NSD2: variants seen among roughly 807,000 people sequenced by gnomAD.
NSD2 encodes nuclear receptor binding SET domain protein 2.
A neutral mutation model predicts 139.0 loss-of-function variants in NSD2; 12 were observed. That is an observed-to-expected ratio of 0.09 (90% confidence interval 0.06 to 0.14). The LOEUF (loss-of-function observed/expected upper bound fraction) is 0.14. Ranked by LOEUF, NSD2 falls within the 10% of genes least tolerant of loss-of-function variation. The pLI, the probability that NSD2 is intolerant of heterozygous loss-of-function variation, is 1.00. For synonymous variants in NSD2, 669 were observed against 648.7 expected (o/e 1.03, Z -0.48); for missense variants, 1,155 against 1,745.0 (o/e 0.66, Z 6.02).
chr4:1,942,216 A>C lies in NSD2; in HGVS notation c.1881+2438A>C. The stretch of plus-strand genomic sequence containing the variant: ...TCACCCTGAGGAAGAGAATAAATTA[A>C]AATTACACACTTGCATGACAAAGGC... On this transcript the variant is annotated intron_variant, in intron 9 of 21. Coordinates refer to ENST00000508803, the MANE Select transcript of NSD2 (RefSeq NM_001042424.3). This position sits in a 1 kb window ranked among gnomAD's most constrained non-coding sequence, Gnocchi z 4.0. 6.7e-7 allele frequency: 1 copy of C among 1,496,156 alleles called. No individual in the cohort carries two copies. 92.7% of individuals were successfully genotyped at this position (1,496,156 alleles called of 1,614,324 possible). A position where few individuals can be genotyped will look rare whatever the true frequency, so the allele number is the denominator to read the frequency against.
At chr4:1,896,217 G>T (rs994981524) in intron 1 of NSD2, among the ~76,000 whole-genome samples, 1 of 152,210 alleles carries the variant, frequency 6.6e-6, no homozygotes, top group Non-Finnish European at 1.5e-5. Flanking sequence ...AGGCAGCCCA[G>T]TCAGGCCCAA....
intron 1 of NSD2, among the ~76,000 whole-genome samples, chr4:1,875,536 T>C (rs1328514713): frequency 6.6e-6 from 1 of 152,148 alleles, no homozygotes; most frequent in Non-Finnish European, 1.5e-5. Flanking sequence ...CACTTCGGCC[T>C]TGTGCCTGGC....
rs548671779 is a variant in NSD2 at position 1,882,104 on chromosome 4, C to T, written c.-30+10562C>T. On this transcript the variant is annotated intron_variant, in intron 1 of 21. Coordinates refer to ENST00000508803, the MANE Select transcript of NSD2 (RefSeq NM_001042424.3). ...GATTGCTCTGTAGATTGAGTTGGTG[C>T]TGGGGAAGGTTCCGGAAGAGTGTGT... is the stretch of plus-strand genomic sequence containing the variant. Among the ~76,000 whole-genome samples the T allele has an allele frequency of 1.2e-4, 19 of 152,280 alleles. No homozygotes were observed. The East Asian group carries it at 3.7e-3, about 29-fold the overall frequency.
At chr4:1,928,302 ACTC>A (rs1489860549) in intron 5 of NSD2, among the ~76,000 whole-genome samples, 1 of 152,014 alleles carries the variant, frequency 6.6e-6, no homozygotes, top group Non-Finnish European at 1.5e-5. Context: ...TATATCTAGT[ACTC>A]CTCAGAATCA....
chr4:1,908,302 G>A (rs1180476162), intron 3 of NSD2, among the ~76,000 whole-genome samples: 2 of 152,228 alleles, frequency 1.3e-5, no homozygotes, highest in African/African-American at 2.4e-5. Flanking sequence ...AAAGATCTGT[G>A]TACAGAAGAA....
intron 9 of NSD2, chr4:1,947,085 T>G: frequency 1.9e-6 from 2 of 1,064,626 alleles, no homozygotes; most frequent in Non-Finnish European, 1.1e-6. Flanking sequence ...GCAGGTGTAT[T>G]GTGGGCAGTT....
At position 1,980,687 on chromosome 4, in the gene NSD2, A is replaced by C. The variant is rs962396173; in HGVS notation, c.*1778A>C. 4.3e-6 allele frequency: 1 copy of C among 233,004 alleles called. No individual in the cohort carries two copies. The highest frequency in any genetic ancestry group is 8.5e-6 in the Non-Finnish European group (1 of 117,954). 14.4% of individuals were successfully genotyped at this position (233,004 alleles called of 1,614,324 possible). On this transcript the variant is annotated 3_prime_UTR_variant, in exon 22 of 22. Coordinates refer to ENST00000508803, the MANE Select transcript of NSD2 (RefSeq NM_001042424.3). ...CTGGCTGGTGGCTGTCCCTTCTCCC[A>C]TCAGGGTCCCCAGCAAAGTTAACTA...
intron 7 of NSD2, among the ~76,000 whole-genome samples, chr4:1,936,531 TGTGGTG>T: frequency 6.6e-6 from 1 of 151,668 alleles, no homozygotes; most frequent in South Asian, 2.1e-4. Context: ...ATTAGTCGGG[TGTGGTG>T]GTGCATGCCT....
intron 3 of NSD2, among the ~76,000 whole-genome samples, chr4:1,908,474 A>G (rs957172947): frequency 8.5e-5 from 13 of 152,222 alleles, no homozygotes; most frequent in African/African-American, 2.9e-4. Flanking sequence ...TTAGAGTATA[A>G]AAGATACTGT....
At chr4:1,960,201 A>T (rs1273529907) in intron 17 of NSD2, among the ~76,000 whole-genome samples, 3 of 152,230 alleles carry the variant, frequency 2.0e-5, no homozygotes, top group African/African-American at 7.2e-5. Flanking sequence ...TGAATATTTT[A>T]AAATGTTACA....
Position 1,952,248 on chromosome 4 carries a change from G to C in NSD2, c.2137+17G>C, listed in dbSNP as rs771421826. 1 of 1,612,358 alleles carries C rather than the reference G, an allele frequency of 6.2e-7. No individual in the cohort carries two copies. The highest frequency in any genetic ancestry group is 8.5e-7 in the Non-Finnish European group (1 of 1,179,658). On this transcript the variant is annotated intron_variant, in intron 11 of 21. Transcript: ENST00000508803. The stretch of plus-strand genomic sequence containing the variant: ...GTGCCTCAGGCAAGTTCCCACGGGC[G>C]GGCAGCTCTGCAGCCTGGCCGGCCA...
chr4:1,971,880 C>G (rs979118476), intron 18 of NSD2, among the ~76,000 whole-genome samples: 4 of 152,188 alleles, frequency 2.6e-5, no homozygotes, highest in African/African-American at 7.2e-5. Context: ...GAAAACTTCC[C>G]AAGAAACCAG....
chr4:1,950,131 A>T (rs1374884709), intron 9 of NSD2, among the ~76,000 whole-genome samples: 1 of 152,220 alleles, frequency 6.6e-6, no homozygotes, highest in African/African-American at 2.4e-5. Flanking sequence ...AAATTTTTTA[A>T]ACACTTGATT....
At position 1,952,311 on chromosome 4, in the gene NSD2, A is replaced by G. The variant is rs960943664; in HGVS notation, c.2137+80A>G. 1.3e-5 allele frequency: 20 copies of G among 1,579,988 alleles called. No individual in the cohort carries two copies. The African/African-American group carries it at 2.6e-4, about 20-fold the overall frequency. On this transcript the variant is annotated intron_variant, in intron 11 of 21. Transcript: ENST00000508803. Reference sequence around the variant, plus strand: ...ACCCCCTGCACCAAGTCCTGCCCTGAGCTGCCTGCAGAGGACAAGCCCCCT... The same window carrying G: ...ACCCCCTGCACCAAGTCCTGCCCTGGGCTGCCTGCAGAGGACAAGCCCCCT...
intron 1 of NSD2, among the ~76,000 whole-genome samples, chr4:1,899,952 A>G (rs1021649847): frequency 6.6e-6 from 1 of 152,226 alleles, no homozygotes; most frequent in Non-Finnish European, 1.5e-5. Context: ...GGACTGAGAT[A>G]AGAATACTGG....
At chr4:1,897,706 A>G (rs1197245774) in intron 1 of NSD2, among the ~76,000 whole-genome samples, 1 of 152,176 alleles carries the variant, frequency 6.6e-6, no homozygotes, top group Non-Finnish European at 1.5e-5. Context: ...TGCTTATTGC[A>G]GCCTCCACCT....
intron 3 of NSD2, among the ~76,000 whole-genome samples, chr4:1,907,167 T>C (rs183526318): frequency 6.6e-6 from 1 of 152,298 alleles, no homozygotes. Context: ...ATGAGGAAGA[T>C]GATACCATCA....
chr4:1,948,383 T>C lies in NSD2; in HGVS notation c.1882-2689T>C. 9 of 1,065,976 alleles carry C rather than the reference T, an allele frequency of 8.4e-6. No homozygotes were observed. Among genetic ancestry groups the C allele is most frequent in the Non-Finnish European group, 1.0e-5 (9 of 878,744 alleles). The allele number at this position is 1,065,976 out of a possible 1,614,324, so 66.0% of individuals were successfully genotyped here. A position where few individuals can be genotyped will look rare whatever the true frequency, so the allele number is the denominator to read the frequency against. ...CAGGTGAATGTGCCACCTCCACAAA[T>C]GGCTTCTCCGAGTGAGTCACGTCAC... On this transcript the variant is annotated intron_variant, in intron 9 of 21. Transcript: ENST00000508803. The surrounding 1 kb of genome is among the most constrained non-coding windows in gnomAD (Gnocchi z 4.5).
rs1224143300 is a variant in NSD2 at position 1,942,878 on chromosome 4, TACTAC to T, written c.1881+3105_1881+3109del. On this transcript the variant is annotated intron_variant, in intron 9 of 21. Coordinates refer to ENST00000508803, the MANE Select transcript of NSD2 (RefSeq NM_001042424.3). This position sits in a 1 kb window ranked among gnomAD's most constrained non-coding sequence, Gnocchi z 4.0. ...AGTGAGATATATTCAGTATTGTAGA[TACTAC>T]ACTAATTTCCAACATAAGAGGCAGG... 1 of 1,060,902 alleles carries T rather than the reference TACTAC, an allele frequency of 9.4e-7. No individual in the cohort carries two copies. Among genetic ancestry groups the T allele is most frequent in the African/African-American group, 1.6e-5 (1 of 60,732 alleles). 65.7% of individuals were successfully genotyped at this position (1,060,902 alleles called of 1,614,324 possible).
Sources: gnomAD v4.1 joint callset for allele counts (sites outside exome capture counted in the v4.1 genomes callset) on GRCh38, gnomAD v4.1.1 for gene constraint, Gnocchi (gnomAD v3.1) non-coding constraint, MANE v1.5 for transcripts, NCBI Gene and HGNC (gene_info 2026-07-23, HGNC 2026-07-21) for gene names.